The following ZFYVE9 variants were observed in gnomAD, a reference collection of about 807,000 sequenced individuals.
ZFYVE9 encodes zinc finger FYVE-type containing 9, also known as zinc finger FYVE domain-containing protein 9.
A neutral mutation model predicts 126.7 loss-of-function variants in ZFYVE9; 43 were observed. The observed-to-expected ratio is 0.34, with a 90% CI of 0.27 to 0.44. ZFYVE9 has a LOEUF of 0.44. ZFYVE9 is among the 20% of genes least tolerant of loss of function. The pLI, the probability that ZFYVE9 is intolerant of heterozygous loss-of-function variation, is 1.00. For missense variants in ZFYVE9, 1,476 were observed against 1,697.0 expected, an observed-to-expected ratio of 0.87 and a Z score of 2.29; for synonymous variants, 521 against 597.4, an observed-to-expected ratio of 0.87 and a Z score of 1.87.
At chr1:52,159,947 C>CA (rs1328751741) in intron 1 of ZFYVE9, among the ~76,000 whole-genome samples, 2 of 152,116 alleles carry the variant, frequency 1.3e-5, no homozygotes, top group East Asian at 3.9e-4. Context: ...AGGCACCCGC[C>CA]ACCATGCCCG....
At chr1:52,305,786 C>G (rs1646078271) in intron 13 of ZFYVE9, among the ~76,000 whole-genome samples, 1 of 152,188 alleles carries the variant, frequency 6.6e-6, no homozygotes, top group Non-Finnish European at 1.5e-5. Context: ...AGGCCCCCCT[C>G]CCTTACAGCC....
intron 10 of ZFYVE9, among the ~76,000 whole-genome samples, chr1:52,287,569 A>G (rs564846739): frequency 1.7e-3 from 252 of 152,116 alleles, no homozygotes; most frequent in African/African-American, 5.8e-3. Flanking sequence ...GGATGGGATT[A>G]GTGCTGTTAT....
At chr1:52,327,594 C>G (rs1437310098) in intron 13 of ZFYVE9, among the ~76,000 whole-genome samples, 1 of 150,656 alleles carries the variant, frequency 6.6e-6, no homozygotes, top group Non-Finnish European at 1.5e-5. Context: ...CAGAGGGAGA[C>G]TTGTCTCAGA....
intron 1 of ZFYVE9, among the ~76,000 whole-genome samples, chr1:52,211,401 C>T (rs1645027416): frequency 6.6e-6 from 1 of 152,166 alleles, no homozygotes; most frequent in African/African-American, 2.4e-5. Context: ...TAAAAAAATA[C>T]AATCTGCCAT....
intron 1 of ZFYVE9, among the ~76,000 whole-genome samples, chr1:52,199,543 A>G (rs771832876): frequency 3.9e-5 from 6 of 152,168 alleles, no homozygotes; most frequent in Non-Finnish European, 7.3e-5. Context: ...AATCTATTGT[A>G]TGGATGTACC....
At chr1:52,220,124 G>A (rs1283090984) in intron 2 of ZFYVE9, among the ~76,000 whole-genome samples, 1 of 152,110 alleles carries the variant, frequency 6.6e-6, no homozygotes, top group Non-Finnish European at 1.5e-5. Context: ...TAAGGCAATG[G>A]GAAGGCATTT....
intron 1 of ZFYVE9, among the ~76,000 whole-genome samples, chr1:52,147,599 G>A (rs1240382986): frequency 6.6e-6 from 1 of 152,126 alleles, no homozygotes; most frequent in African/African-American, 2.4e-5. Context: ...TCCATTGTAT[G>A]GAAATACCAC....
Position 52,303,891 on chromosome 1 carries a change from C to G in ZFYVE9, c.3404C>G (p.Thr1135Ser). Reference protein sequence around the residue: ...GLVVDMEVRKTSIKIPSNRYN... With the variant: ...GLVVDMEVRKSSIKIPSNRYN... ...GTGGTTGATATGGAAGTTCGGAAAA[C>G]TAGCATCAAAATTCCCAGCAACAGA... The change falls in exon 13 of 19, where the codon ACT becomes AGT. Residue 1135 changes from threonine to serine, a missense_variant. Physicochemically the swap from Thr to Ser is moderately conservative, Grantham distance 58. Around this residue, in one of 2 missense-constraint regions of ZFYVE9, gnomAD observed 669 missense variants for 902.4 expected, o/e 0.74. Coordinates refer to ENST00000287727, the MANE Select transcript of ZFYVE9 (RefSeq NM_004799.4). The G allele has an allele frequency of 2.5e-6, 4 of 1,600,312 alleles. No individual in the cohort carries two copies. Among genetic ancestry groups the G allele is most frequent in the Non-Finnish European group, 3.4e-6 (4 of 1,173,520 alleles).
chr1:52,285,863 A>C lies in ZFYVE9; in HGVS notation c.3025+4047A>C, dbSNP rs566681201. On this transcript the variant is annotated intron_variant, in intron 10 of 18. Transcript: ENST00000287727. ...AAAAGGTTGGAGGCTACTGTTCTAAAATGATAGCAGGCTGGGCACGGTGGC... is the reference window on the plus strand; with the variant it reads ...AAAAGGTTGGAGGCTACTGTTCTAACATGATAGCAGGCTGGGCACGGTGGC... Among the ~76,000 whole-genome samples, 55 of 152,270 alleles carry C rather than the reference A, an allele frequency of 3.6e-4. No individual in the cohort carries two copies. The East Asian group carries it at 9.3e-3, about 26-fold the overall frequency.
chr1:52,345,052 G>C, intron 18 of ZFYVE9, 108 bp downstream of exon 18: 1 of 1,234,242 alleles, frequency 8.1e-7, no homozygotes, highest in Non-Finnish European at 1.2e-6. Flanking sequence ...CGACCTTCTG[G>C]CCTGACTGGA....
chr1:52,292,593 T>C (rs1037384611), intron 10 of ZFYVE9, among the ~76,000 whole-genome samples: 2 of 148,470 alleles, frequency 1.3e-5, no homozygotes, highest in Admixed American at 1.4e-4. Context: ...TGCCTCAGCC[T>C]CCTGAGTAGC....
rs762786125 is a variant in ZFYVE9 at position 52,178,596 on chromosome 1, TA to T, written c.-143+36194del. Among the ~76,000 whole-genome samples, 3 of 152,226 alleles carry T rather than the reference TA, an allele frequency of 2.0e-5. No individual in the cohort carries two copies. In the East Asian group the frequency reaches 5.8e-4, roughly 30 times the overall value. The stretch of plus-strand genomic sequence containing the variant: ...CACCTGCCTCGGCCTACCAAAGTGC[TA>T]GGATTACAGGCATGAGCCACCTCGC... On this transcript the variant is annotated intron_variant, in intron 1 of 18. Coordinates refer to ENST00000287727, the MANE Select transcript of ZFYVE9 (RefSeq NM_004799.4).
chr1:52,150,661 G>T (rs1312128846), intron 1 of ZFYVE9, among the ~76,000 whole-genome samples: 1 of 151,612 alleles, frequency 6.6e-6, no homozygotes, highest in Non-Finnish European at 1.5e-5. Flanking sequence ...CAGTTACTCA[G>T]GAGGCTGAGG....
chr1:52,323,076 C>G (rs991555465), intron 13 of ZFYVE9, among the ~76,000 whole-genome samples: 11 of 152,088 alleles, frequency 7.2e-5, no homozygotes, highest in African/African-American at 2.7e-4. Context: ...AGTGCTGGGA[C>G]TACAGGTGTG....
At chr1:52,206,038 C>A (rs1051674777) in intron 1 of ZFYVE9, among the ~76,000 whole-genome samples, 3 of 152,068 alleles carry the variant, frequency 2.0e-5, no homozygotes, top group African/African-American at 7.2e-5. Flanking sequence ...TTATATCATA[C>A]TATTGGGATA....
In ZFYVE9 at chr1:52,331,085, T is replaced by C. The variant is rs577366674; in HGVS notation, c.3439-1683T>C. On this transcript the variant is annotated intron_variant, in intron 13 of 18. Transcript: ENST00000287727. ...GGTTTTACCATGTTGGCCAGGCTGG[T>C]CTCGAACTCCTGACCTCAAGTGGTT... Among the ~76,000 whole-genome samples, 64 of 152,180 alleles carry C rather than the reference T, an allele frequency of 4.2e-4. No homozygotes were observed. The South Asian group carries it at 0.013, about 30-fold the overall frequency.
intron 1 of ZFYVE9, among the ~76,000 whole-genome samples, chr1:52,206,834 A>G (rs1644982344): frequency 6.6e-6 from 1 of 152,176 alleles, no homozygotes. Context: ...ACAGGCACAA[A>G]CCACTGTGCG....
At chr1:52,314,803 C>A (rs568717849) in intron 13 of ZFYVE9, among the ~76,000 whole-genome samples, 2 of 151,488 alleles carry the variant, frequency 1.3e-5, no homozygotes, top group Non-Finnish European at 2.9e-5. Context: ...CAGAGTGAGA[C>A]CCGGTCTCAA....
At chr1:52,330,135 T>G (rs1569769817) in intron 13 of ZFYVE9, among the ~76,000 whole-genome samples, 1 of 152,166 alleles carries the variant, frequency 6.6e-6, no homozygotes, top group Admixed American at 6.5e-5. Context: ...TCCCAGCACT[T>G]TGGAAGCCAA....
Sources: gnomAD v4.1 joint callset for allele counts (sites outside exome capture counted in the v4.1 genomes callset) on GRCh38, gnomAD v4.1.1 for gene constraint, gnomAD v4.1.1 regional missense constraint, MANE v1.5 for transcripts, NCBI Gene and HGNC (gene_info 2026-07-23, HGNC 2026-07-21) for gene names.